Variants in SSBP2 observed in about 807,000 individuals in gnomAD.
The protein encoded by SSBP2 is single-stranded DNA-binding protein 2.
Under a neutral mutation model 61.8 loss-of-function variants are expected in SSBP2, and 17 were observed. That is an observed-to-expected ratio of 0.28 (90% CI 0.19 to 0.41). The LOEUF is 0.41. Ranked by LOEUF, SSBP2 falls within the 10% of genes least tolerant of loss-of-function variation. The pLI, the probability that SSBP2 is intolerant of heterozygous loss-of-function variation, is 1.00. For missense variants in SSBP2, 310 were observed against 458.7 expected, an observed-to-expected ratio of 0.68 and a Z score of 2.96; for synonymous variants, 139 against 141.3, an observed-to-expected ratio of 0.98 and a Z score of 0.12.
At chr5:81,560,246 T>C (rs973883426) in intron 4 of SSBP2, among the ~76,000 whole-genome samples, 5 of 152,322 alleles carry the variant, frequency 3.3e-5, no homozygotes, top group African/African-American at 7.2e-5. Flanking sequence ...TTCAAGAGTA[T>C]AGGTAACTTT....
chr5:81,594,284 A>ATT (rs1743465371), intron 4 of SSBP2, among the ~76,000 whole-genome samples: 1 of 152,216 alleles, frequency 6.6e-6, no homozygotes, highest in African/African-American at 2.4e-5. Context: ...TTCAACAAGA[A>ATT]GAGCTAACTA....
At chr5:81,653,523 A>G (rs1439076791) in intron 1 of SSBP2, among the ~76,000 whole-genome samples, 1 of 152,194 alleles carries the variant, frequency 6.6e-6, no homozygotes, top group East Asian at 1.9e-4. Flanking sequence ...GAATCGCCAC[A>G]CTGTCTTCCA....
intron 1 of SSBP2, among the ~76,000 whole-genome samples, chr5:81,683,727 G>A (rs1325775515): frequency 1.3e-5 from 2 of 152,010 alleles, no homozygotes; most frequent in African/African-American, 4.8e-5. Flanking sequence ...ATCTGATAAA[G>A]GACTGTTGAT....
intron 10 of SSBP2, among the ~76,000 whole-genome samples, chr5:81,454,293 A>C (rs185793995): frequency 1.7e-3 from 264 of 152,340 alleles, no homozygotes; most frequent in Non-Finnish European, 3.1e-3. Flanking sequence ...GCACTAGAGG[A>C]AAGTTCCAGT....
chr5:81,529,257 A>G (rs1267274345), intron 4 of SSBP2, among the ~76,000 whole-genome samples: 1 of 152,168 alleles, frequency 6.6e-6, no homozygotes, highest in East Asian at 1.9e-4. Context: ...AATTGCATTA[A>G]GTGGAAAGTA....
At chr5:81,501,560 TTTC>T (rs1478235625) in intron 5 of SSBP2, among the ~76,000 whole-genome samples, 1 of 139,138 alleles carries the variant, frequency 7.2e-6, no homozygotes, top group African/African-American at 2.5e-5. Flanking sequence ...CTTTCTTTCT[TTTC>T]TTTTTTTTTT....
At chr5:81,702,237 G>A (rs1398789351) in intron 1 of SSBP2, among the ~76,000 whole-genome samples, 4 of 152,132 alleles carry the variant, frequency 2.6e-5, no homozygotes, top group Non-Finnish European at 5.9e-5. Flanking sequence ...TGGGCGTGGT[G>A]GCGCACACCT....
At chr5:81,737,940 G>A (rs1003409274) in intron 1 of SSBP2, among the ~76,000 whole-genome samples, 15 of 151,842 alleles carry the variant, frequency 9.9e-5, no homozygotes, top group Admixed American at 5.2e-4. Flanking sequence ...ATATGTCTCC[G>A]TTCTTTTCAA....
At chr5:81,721,320 A>G (rs989061768) in intron 1 of SSBP2, among the ~76,000 whole-genome samples, 2 of 152,132 alleles carry the variant, frequency 1.3e-5, no homozygotes, top group South Asian at 2.1e-4. Flanking sequence ...CCTAACTTCT[A>G]TACAACTCTT....
intron 6 of SSBP2, among the ~76,000 whole-genome samples, chr5:81,474,922 C>A (rs932960615): frequency 6.6e-6 from 1 of 152,056 alleles, no homozygotes; most frequent in South Asian, 2.1e-4. Flanking sequence ...CATGTAAATT[C>A]CCTATTTCTA....
chr5:81,634,709 A>C (rs1748041429), intron 3 of SSBP2, among the ~76,000 whole-genome samples: 1 of 152,126 alleles, frequency 6.6e-6, no homozygotes, highest in Non-Finnish European at 1.5e-5. Flanking sequence ...CAACATAATG[A>C]ATTTCTTTCT....
At chr5:81,717,997 T>C (rs1283257428) in intron 1 of SSBP2, among the ~76,000 whole-genome samples, 1 of 152,182 alleles carries the variant, frequency 6.6e-6, no homozygotes, top group Non-Finnish European at 1.5e-5. Context: ...ACTTCACTTC[T>C]AACTTTGTAA....
At chr5:81,714,743 C>T (rs980298617) in intron 1 of SSBP2, among the ~76,000 whole-genome samples, 5 of 151,920 alleles carry the variant, frequency 3.3e-5, no homozygotes, top group South Asian at 2.1e-4. Flanking sequence ...TTTTGATGGG[C>T]TTGTTTTTTC....
chr5:81,635,841 C>T (rs547377915), intron 3 of SSBP2, among the ~76,000 whole-genome samples: 31 of 152,268 alleles, frequency 2.0e-4, no homozygotes, highest in Admixed American at 5.9e-4. Flanking sequence ...GCCTCGGCCT[C>T]CCAAAGTGCT....
At chr5:81,422,109 T>G (rs547197298) in intron 16 of SSBP2, among the ~76,000 whole-genome samples, 65 of 152,254 alleles carry the variant, frequency 4.3e-4, no homozygotes, top group African/African-American at 1.5e-3. Context: ...TAATAACAAT[T>G]GTGCCTCCTA....
intron 4 of SSBP2, among the ~76,000 whole-genome samples, chr5:81,605,450 T>C (rs1035856579): frequency 1.3e-5 from 2 of 152,156 alleles, no homozygotes; most frequent in Non-Finnish European, 2.9e-5. Flanking sequence ...TCTAGTTCCC[T>C]ATCCATCTCC....
intron 4 of SSBP2, among the ~76,000 whole-genome samples, chr5:81,555,696 C>A (rs1009105829): frequency 6.6e-6 from 1 of 151,946 alleles, no homozygotes; most frequent in African/African-American, 2.4e-5. Context: ...AAATAAAAAT[C>A]AAATATAACA....
In SSBP2 at chr5:81,618,172, G is replaced by C. The variant is rs1229409049; in HGVS notation, c.198-2615C>G. Among the ~76,000 whole-genome samples, 2 of 82,820 alleles carry C rather than the reference G, an allele frequency of 2.4e-5. 1 individual carries two copies. The highest frequency in any genetic ancestry group is 8.1e-5 in the African/African-American group (2 of 24,796). 54.3% of individuals were successfully genotyped at this position (82,820 alleles called of 152,430 possible). On this transcript the variant is annotated intron_variant, in intron 3 of 16. Transcript: ENST00000320672. ...CACAGACTGGCAAGTTGGATAAAGA[G>C]TCAAGACCCATCAGTGTGCTGTATT...
At chr5:81,565,661 T>C (rs963352913) in intron 4 of SSBP2, among the ~76,000 whole-genome samples, 2 of 152,172 alleles carry the variant, frequency 1.3e-5, no homozygotes, top group Non-Finnish European at 2.9e-5. Flanking sequence ...TCATAGATCA[T>C]AAACTCATCA....
Sources: allele counts gnomAD v4.1 joint callset (sites outside exome capture counted in the v4.1 genomes callset), GRCh38; gene constraint gnomAD v4.1.1; transcripts MANE v1.5; gene names NCBI Gene and HGNC (gene_info 2026-07-23, HGNC 2026-07-21).